Variants in RBFOX1 observed in about 807,000 individuals in gnomAD.
RBFOX1 encodes the protein RNA binding fox-1 homolog 1.
In RBFOX1, 8 loss-of-function variants were observed where a neutral mutation model predicts 57.7. That is an observed-to-expected ratio of 0.14 (90% CI 0.08 to 0.25). RBFOX1 has a LOEUF of 0.25. Ranked by LOEUF, RBFOX1 falls within the 10% of genes least tolerant of loss-of-function variation. The probability of loss-of-function intolerance (pLI) is 1.00; values close to 1 mark genes in which losing one functional copy is unlikely to be tolerated. For synonymous variants in RBFOX1, 326 were observed against 222.4 expected (o/e 1.47, Z -4.15); for missense variants, 611 against 548.5 (o/e 1.11, Z -1.14).
At chr16:6,763,589 A>C (rs2076932192) in intron 3 of RBFOX1, among the ~76,000 whole-genome samples, 2 of 152,182 alleles carry the variant, frequency 1.3e-5, no homozygotes, top group African/African-American at 2.4e-5. Context: ...ATTGACCATT[A>C]ATCATCAACA....
At chr16:6,784,081 A>C (rs980232610) in intron 3 of RBFOX1, among the ~76,000 whole-genome samples, 1 of 151,794 alleles carries the variant, frequency 6.6e-6, no homozygotes. Flanking sequence ...TTTGTCCTTA[A>C]CCTTTGAGAA....
chr16:5,762,346 C>A (rs1324954716), intron 3 of RBFOX1, among the ~76,000 whole-genome samples: 2 of 55,530 alleles, frequency 3.6e-5, no homozygotes, highest in African/African-American at 2.0e-4. Context: ...AGGCAGAAAA[C>A]GAACAAAAAG....
chr16:5,604,809 C>T (rs965285978), downstream of RBFOX1, among the ~76,000 whole-genome samples: 40 of 152,154 alleles, frequency 2.6e-4, no homozygotes, highest in African/African-American at 1.2e-4. Context: ...GGGAACCAGA[C>T]CACTTCAGTG....
chr16:5,815,871 G>C (rs1286001353), intron 3 of RBFOX1, among the ~76,000 whole-genome samples: 1 of 152,178 alleles, frequency 6.6e-6, no homozygotes, highest in Non-Finnish European at 1.5e-5. Context: ...GCAGGGGCTG[G>C]GAGCCTGGGG....
chr16:6,618,898 G>A (rs1206021652), intron 2 of RBFOX1, among the ~76,000 whole-genome samples: 2 of 152,144 alleles, frequency 1.3e-5, no homozygotes, highest in African/African-American at 4.8e-5. Flanking sequence ...CTTAGATGAG[G>A]AAGGAGCAGG....
chr16:6,553,043 A>C (rs1192649133), intron 2 of RBFOX1, among the ~76,000 whole-genome samples: 1 of 152,166 alleles, frequency 6.6e-6, no homozygotes, highest in African/African-American at 2.4e-5. Context: ...TTGTTTTGAC[A>C]CTTCAGTGGC....
rs138346114 is a variant in RBFOX1 at position 6,602,729 on chromosome 16, A to G, written c.-63-51874A>G. Among the ~76,000 whole-genome samples, 35 of 151,686 alleles carry G rather than the reference A, an allele frequency of 2.3e-4. No individual in the cohort carries two copies. The East Asian group carries it at 5.2e-3, about 23-fold the overall frequency. Reference sequence around the variant, plus strand: ...AGGCTCAAGATGAGCTGGAAGTGCAATTTTTTTTCCACTTGCTGCTTTATC... The same window carrying G: ...AGGCTCAAGATGAGCTGGAAGTGCAGTTTTTTTTCCACTTGCTGCTTTATC... On this transcript the variant is annotated intron_variant, in intron 2 of 15. Transcript: ENST00000550418.
At chr16:5,846,331 C>T (rs2056757669) in intron 3 of RBFOX1, among the ~76,000 whole-genome samples, 1 of 152,070 alleles carries the variant, frequency 6.6e-6, no homozygotes, top group Non-Finnish European at 1.5e-5. Context: ...TCTTAAAGTC[C>T]ATTCTTAACA....
intron 4 of RBFOX1, among the ~76,000 whole-genome samples, chr16:5,951,502 T>A (rs556147521): frequency 1.1e-4 from 17 of 152,164 alleles, no homozygotes; most frequent in Non-Finnish European, 2.2e-4. Flanking sequence ...TGTGTATATA[T>A]ATAACTATGT....
At chr16:5,778,483 T>C (rs2054219078) in intron 3 of RBFOX1, among the ~76,000 whole-genome samples, 1 of 152,150 alleles carries the variant, frequency 6.6e-6, no homozygotes, top group Admixed American at 6.5e-5. Context: ...CTTCCTCCTG[T>C]GGGAACCAGG....
chr16:7,677,013 C>T (rs1314682833), intron 14 of RBFOX1, among the ~76,000 whole-genome samples, 175 bp downstream of exon 14: 1 of 152,040 alleles, frequency 6.6e-6, no homozygotes, highest in Admixed American at 6.6e-5. Context: ...AGGGCAAATG[C>T]TTCAGCCAAT....
intron 4 of RBFOX1, among the ~76,000 whole-genome samples, chr16:7,109,603 C>CA (rs1184119082): frequency 6.6e-6 from 1 of 152,104 alleles, no homozygotes; most frequent in Non-Finnish European, 1.5e-5. Context: ...CCAGGGATCA[C>CA]AAGCCCAGTT....
chr16:6,402,483 C>T (rs2093114580), intron 2 of RBFOX1, among the ~76,000 whole-genome samples: 2 of 152,122 alleles, frequency 1.3e-5, no homozygotes. Context: ...TCCATACATA[C>T]TGAAGGGTGG....
chr16:5,347,778 C>T (rs2065174316), intron 1 of RBFOX1, among the ~76,000 whole-genome samples: 1 of 149,550 alleles, frequency 6.7e-6, no homozygotes, highest in African/African-American at 2.5e-5. Context: ...TTCCACCCAC[C>T]CATTGGTCTA....
chr16:6,519,648 C>G (rs1368799797), intron 2 of RBFOX1, among the ~76,000 whole-genome samples: 1 of 152,162 alleles, frequency 6.6e-6, no homozygotes, highest in Non-Finnish European at 1.5e-5. Context: ...TTGCAGTGAG[C>G]TGAGATCACG....
At chr16:6,892,544 C>A (rs145796329) in intron 3 of RBFOX1, among the ~76,000 whole-genome samples, 10 of 152,110 alleles carry the variant, frequency 6.6e-5, no homozygotes, top group African/African-American at 2.2e-4. Context: ...GTGGCACACA[C>A]CTGTAATCTC....
intron 3 of RBFOX1, among the ~76,000 whole-genome samples, chr16:6,939,746 A>C (rs1323062589): frequency 3.3e-5 from 5 of 152,106 alleles, no homozygotes; most frequent in Non-Finnish European, 7.4e-5. Flanking sequence ...TCCTGGCCTC[A>C]AATGATCAGC....
At chr16:6,442,926 T>C (rs763473270) in intron 2 of RBFOX1, among the ~76,000 whole-genome samples, 6 of 152,190 alleles carry the variant, frequency 3.9e-5, no homozygotes, top group Non-Finnish European at 7.3e-5. Flanking sequence ...GCAATTACTT[T>C]TGCACCAACT....
At chr16:5,455,075 A>G (rs758591249) in intron 1 of RBFOX1, among the ~76,000 whole-genome samples, 18 of 137,850 alleles carry the variant, frequency 1.3e-4, no homozygotes, top group Non-Finnish European at 2.2e-4. Flanking sequence ...TTCTCTCCCT[A>G]TGTCTCTCTT....
Sources: allele counts gnomAD v4.1 joint callset (sites outside exome capture counted in the v4.1 genomes callset), GRCh38; gene constraint gnomAD v4.1.1; transcripts MANE v1.5; gene names NCBI Gene and HGNC (gene_info 2026-07-23, HGNC 2026-07-21).